The following RIC3 variants were observed in gnomAD, a reference collection of about 807,000 sequenced individuals.
RIC3 encodes protein RIC-3.
A neutral mutation model predicts 27.3 loss-of-function variants in RIC3; 28 were observed. The ratio of observed to expected loss-of-function variants is 1.02; its 90% confidence interval spans 0.76 to 1.41. The LOEUF is 1.41. RIC3 is among the 40% of genes most tolerant of loss of function. The pLI is 0.00. For synonymous variants in RIC3, 184 were observed against 160.4 expected (o/e 1.15, Z -1.11); for missense variants, 501 against 444.7 (o/e 1.13, Z -1.14).
chr11:8,130,470 C>A (rs549992196), intron 4 of RIC3, among the ~76,000 whole-genome samples: 1 of 152,294 alleles, frequency 6.6e-6, no homozygotes, highest in African/African-American at 2.4e-5. Context: ...TGAGCTACCC[C>A]ACATTCTTCC....
In RIC3 at chr11:8,137,474, A is replaced by T; in HGVS notation, c.428-3T>A. Reference sequence around the variant, plus strand: ...CAGTTGAGCAAGCTCAAAACTGGCTAAAAAATAAGCAACAATCTAAGAACC... The same window carrying T: ...CAGTTGAGCAAGCTCAAAACTGGCTTAAAAATAAGCAACAATCTAAGAACC... On this transcript the variant is annotated splice_polypyrimidine_tract_variant and splice_region_variant and intron_variant, in intron 3 of 5. Transcript: ENST00000309737. The T allele has an allele frequency of 1.2e-6, 2 of 1,612,828 alleles. No individual in the cohort carries two copies. Among genetic ancestry groups the T allele is most frequent in the Non-Finnish European group, 1.7e-6 (2 of 1,179,298 alleles).
At chr11:8,165,068 T>C (rs1046536949) in intron 1 of RIC3, among the ~76,000 whole-genome samples, 2 of 152,182 alleles carry the variant, frequency 1.3e-5, no homozygotes, top group Non-Finnish European at 2.9e-5. Context: ...TGTAAAATGG[T>C]ACAGCTGCTT....
At chr11:8,093,365 T>C in the RIC3 span, among the ~76,000 whole-genome samples, 1 of 151,680 alleles carries the variant, frequency 6.6e-6, no homozygotes, top group East Asian at 1.9e-4. Context: ...GCCCCAGAGG[T>C]GGGGAGTATG....
At chr11:8,099,851 T>C in the RIC3 span, among the ~76,000 whole-genome samples, 1 of 152,018 alleles carries the variant, frequency 6.6e-6, no homozygotes, top group Admixed American at 6.5e-5. Flanking sequence ...AGGACAAAAG[T>C]CCTGAATGCC....
At chr11:8,097,760 A>G in the RIC3 span, 3 of 1,614,086 alleles carry the variant, frequency 1.9e-6, no homozygotes, top group Non-Finnish European at 2.5e-6. Context: ...AAAACTTCCA[A>G]TTACCTCATC....
At chr11:8,125,268 A>T (rs944979584) in intron 5 of RIC3, among the ~76,000 whole-genome samples, 4 of 151,856 alleles carry the variant, frequency 2.6e-5, no homozygotes, top group Non-Finnish European at 5.9e-5. Flanking sequence ...AAAAAAAAAA[A>T]GTAAATCGTA....
intron 1 of RIC3, among the ~76,000 whole-genome samples, chr11:8,149,227 AAT>A (rs1319418838): frequency 1.3e-5 from 2 of 150,802 alleles, no homozygotes. Context: ...AATAAAAAAT[AAT>A]AAAAAAAACA....
intron 5 of RIC3, among the ~76,000 whole-genome samples, chr11:8,118,141 T>G (rs898973419): frequency 1.4e-5 from 2 of 147,118 alleles, no homozygotes; most frequent in African/African-American, 5.1e-5. Context: ...GAGAATGACG[T>G]GAACCTGGGA....
At chr11:8,155,027 T>C (rs10431030) in intron 1 of RIC3, among the ~76,000 whole-genome samples, 39,393 of 151,732 alleles carry the variant, frequency 0.26, 5,193 homozygotes, top group East Asian at 0.44. Flanking sequence ...AAGACCAGTC[T>C]GGGCAAGATG....
chr11:8,149,470 C>A (rs906028778), intron 1 of RIC3, among the ~76,000 whole-genome samples: 8 of 151,984 alleles, frequency 5.3e-5, no homozygotes, highest in Non-Finnish European at 1.0e-4. Flanking sequence ...ATACAGTGGA[C>A]CTTGATGAGA....
intron 5 of RIC3, among the ~76,000 whole-genome samples, chr11:8,117,209 G>A (rs1034625540): frequency 1.3e-5 from 2 of 152,116 alleles, no homozygotes; most frequent in South Asian, 4.1e-4. Flanking sequence ...GCTGGGACTA[G>A]ACACATGCCA....
At chr11:8,134,823 G>A (rs889072078) in intron 4 of RIC3, among the ~76,000 whole-genome samples, 1 of 152,092 alleles carries the variant, frequency 6.6e-6, no homozygotes, top group East Asian at 1.9e-4. Context: ...TATATCCTTT[G>A]CCCGCTTGTT....
intron 1 of RIC3, among the ~76,000 whole-genome samples, chr11:8,157,530 A>C (rs538998521): frequency 2.0e-5 from 3 of 152,286 alleles, no homozygotes; most frequent in African/African-American, 4.8e-5. Flanking sequence ...GTTCAACTAC[A>C]GGTGTGTTCC....
chr11:8,104,637 GT>G (rs1389169195), downstream of RIC3: 13 of 152,296 alleles, frequency 8.5e-5, no homozygotes, highest in African/African-American at 2.6e-4. Flanking sequence ...TTCTCTCAGG[GT>G]TCTGAGTCAG....
intron 1 of RIC3, among the ~76,000 whole-genome samples, chr11:8,158,892 C>T (rs1486871125): frequency 1.4e-5 from 2 of 148,144 alleles, no homozygotes; most frequent in African/African-American, 5.0e-5. Flanking sequence ...GCCACCATGC[C>T]CAGAGAATTT....
At position 8,108,992 on chromosome 11, in the gene RIC3, T is replaced by A. The variant is rs1235492854; in HGVS notation, c.*1706A>T. On this transcript the variant is annotated 3_prime_UTR_variant, in exon 6 of 6. Coordinates refer to ENST00000309737, the MANE Select transcript of RIC3 (RefSeq NM_001206671.4). Reference sequence around the variant, plus strand: ...GTTATTTTTCACCTTTCGTGTACAATACATCTAGATTGCATTCAGTATATT... The same window carrying A: ...GTTATTTTTCACCTTTCGTGTACAAAACATCTAGATTGCATTCAGTATATT... The A allele has an allele frequency of 6.6e-6, 1 of 152,244 alleles. No homozygotes were observed. The highest frequency in any genetic ancestry group is 6.5e-5 in the Admixed American group (1 of 15,294). The allele number at this position is 152,244 out of a possible 1,614,324, so 9.4% of individuals were successfully genotyped here. A position where few individuals can be genotyped will look rare whatever the true frequency, so the allele number is the denominator to read the frequency against.
At chr11:8,128,130 C>A (rs1371330161) in intron 4 of RIC3, 13 of 453,648 alleles carry the variant, frequency 2.9e-5, no homozygotes, top group African/African-American at 2.4e-4. Flanking sequence ...CTCTCCACAA[C>A]TGCTCGTGTG....
downstream of RIC3, chr11:8,103,574 G>A (rs1018475015): frequency 2.0e-5 from 3 of 152,644 alleles, no homozygotes; most frequent in Non-Finnish European, 2.9e-5. Context: ...ACATCTCTGT[G>A]AGAGACCCCC....
intron 4 of RIC3, among the ~76,000 whole-genome samples, chr11:8,132,575 T>G (rs749569001): frequency 5.3e-5 from 8 of 152,210 alleles, no homozygotes; most frequent in Non-Finnish European, 1.2e-4. Flanking sequence ...TAAATATGTG[T>G]ACAGACCTAC....
Sources: allele counts gnomAD v4.1 joint callset (sites outside exome capture counted in the v4.1 genomes callset), GRCh38; gene constraint gnomAD v4.1.1; transcripts MANE v1.5; gene names NCBI Gene and HGNC (gene_info 2026-07-23, HGNC 2026-07-21).